KCNJ10: variants seen among roughly 807,000 people sequenced by gnomAD.
The protein encoded by KCNJ10 is ATP-sensitive inward rectifier potassium channel 10.
In KCNJ10, 9 loss-of-function variants were observed where a neutral mutation model predicts 22.2. The observed-to-expected ratio is 0.40, with a 90% confidence interval of 0.24 to 0.71. The LOEUF is 0.71. Among genes scored for constraint, KCNJ10 ranks in the 30% least tolerant of loss-of-function variants. The probability of loss-of-function intolerance (pLI) is 0.35; values close to 1 mark genes in which losing one functional copy is unlikely to be tolerated. For missense variants in KCNJ10, 337 were observed against 482.7 expected, an observed-to-expected ratio of 0.70 and a Z score of 2.83; for synonymous variants, 184 against 187.3, an observed-to-expected ratio of 0.98 and a Z score of 0.15.
At chr1:160,067,762 A>G (rs1649354807) in intron 1 of KCNJ10, 1 of 151,970 alleles carries the variant, frequency 6.6e-6, no homozygotes, top group African/African-American at 2.4e-5. Flanking sequence ...CTATCTTTCC[A>G]TCTTGTGTGC....
intron 1 of KCNJ10, among the ~76,000 whole-genome samples, chr1:160,043,316 A>AC (rs1553235209): frequency 3.9e-4 from 56 of 142,486 alleles, no homozygotes; most frequent in South Asian, 8.9e-4. Context: ...CACACACACA[A>AC]CCTTAATTTC....
At chr1:160,051,990 C>G (rs1027060155) in intron 1 of KCNJ10, among the ~76,000 whole-genome samples, 1 of 152,116 alleles carries the variant, frequency 6.6e-6, no homozygotes, top group Non-Finnish European at 1.5e-5. Context: ...TAATAGTATG[C>G]TATCCATCTA....
intron 1 of KCNJ10, among the ~76,000 whole-genome samples, chr1:160,052,641 CACTCAGAACTAAGAG>C (rs1648930473): frequency 6.6e-6 from 1 of 152,166 alleles, no homozygotes. Flanking sequence ...GTGTAAAAGC[CACTCAGAACTAAGAG>C]ACAGCACTGC....
At chr1:160,066,596 G>A (rs1162126841) in intron 1 of KCNJ10, among the ~76,000 whole-genome samples, 3 of 152,192 alleles carry the variant, frequency 2.0e-5, no homozygotes, top group African/African-American at 7.2e-5. Flanking sequence ...TTGTGAGGAT[G>A]GGACTTCCTT....
chr1:160,067,979 C>T (rs1009247630), intron 1 of KCNJ10: 13 of 152,178 alleles, frequency 8.5e-5, no homozygotes, highest in African/African-American at 3.1e-4. Flanking sequence ...CCCGGGTCCT[C>T]TGCCAGTCAC....
At chr1:160,051,298 T>G (rs1207498330) in intron 1 of KCNJ10, among the ~76,000 whole-genome samples, 4 of 152,106 alleles carry the variant, frequency 2.6e-5, no homozygotes, top group Non-Finnish European at 5.9e-5. Flanking sequence ...CTCTTGCAAA[T>G]GTTTGGTTCA....
At chr1:160,068,464 C>T (rs921361919) in intron 1 of KCNJ10, among the ~76,000 whole-genome samples, 16 of 152,246 alleles carry the variant, frequency 1.1e-4, no homozygotes, top group African/African-American at 3.6e-4. Flanking sequence ...ACACCCTCTC[C>T]CTCCCTTCCT....
chr1:160,052,190 G>A (rs1415099435), intron 1 of KCNJ10, among the ~76,000 whole-genome samples: 1 of 152,188 alleles, frequency 6.6e-6, no homozygotes, highest in Non-Finnish European at 1.5e-5. Flanking sequence ...AGAAAGGGAG[G>A]CAGATTCCTG....
At chr1:160,060,897 A>G (rs146548911) in intron 1 of KCNJ10, among the ~76,000 whole-genome samples, 1 of 152,168 alleles carries the variant, frequency 6.6e-6, no homozygotes, top group Non-Finnish European at 1.5e-5. Flanking sequence ...AACCCTAGCT[A>G]AGAAGGCTGT....
intron 1 of KCNJ10, among the ~76,000 whole-genome samples, chr1:160,049,061 T>G (rs933196444): frequency 6.6e-6 from 1 of 152,200 alleles, no homozygotes; most frequent in Middle Eastern, 3.2e-3. Flanking sequence ...ATTATAATCC[T>G]TGTTTTACGA....
At chr1:160,044,837 A>T (rs892314634) in intron 1 of KCNJ10, 14 of 151,906 alleles carry the variant, frequency 9.2e-5, no homozygotes, top group African/African-American at 3.4e-4. Flanking sequence ...AAACAGCAAG[A>T]CACCATATCA....
Position 160,056,687 on chromosome 1 carries a change from G to GT in KCNJ10, c.-1+13334dup, listed in dbSNP as rs1185240819. ...TGTGAGCTCTTTGAAGGCACAGACT[G>GT]TATTTTAGTCACCTTTGTAAGCTGT... On this transcript the variant is annotated intron_variant, in intron 1 of 1. Coordinates refer to ENST00000644903, the MANE Select transcript of KCNJ10 (RefSeq NM_002241.5). Among the ~76,000 whole-genome samples the GT allele has an allele frequency of 2.6e-5, 4 of 152,308 alleles. No individual in the cohort carries two copies. The South Asian group carries it at 6.2e-4, about 24-fold the overall frequency.
rs1358654756 is a variant in KCNJ10 at position 160,037,539 on chromosome 1, AC to A, written c.*3853del. On this transcript the variant is annotated 3_prime_UTR_variant, in exon 2 of 2. Transcript: ENST00000644903. The stretch of plus-strand genomic sequence containing the variant: ...GACAAAAACAAAACAAATCTTACAC[AC>A]CTTTTTTTTCCTAGATAAATTTGAC... 6.6e-6 allele frequency: 1 copy of A among 152,032 alleles called. No individual in the cohort carries two copies. The highest frequency in any genetic ancestry group is 1.9e-4 in the East Asian group (1 of 5,182). 9.4% of individuals were successfully genotyped at this position (152,032 alleles called of 1,614,324 possible).
chr1:160,042,712 G>A (rs143508204), intron 1 of KCNJ10, among the ~76,000 whole-genome samples, 180 bp from the exon 2 acceptor site: 94 of 152,256 alleles, frequency 6.2e-4, no homozygotes, highest in Middle Eastern at 6.8e-3. Flanking sequence ...CGAGGCGGGT[G>A]GATCGCCTGA....
At chr1:160,048,228 G>A (rs963604133) in intron 1 of KCNJ10, among the ~76,000 whole-genome samples, 5 of 19,824 alleles carry the variant, frequency 2.5e-4, no homozygotes, top group Non-Finnish European at 1.8e-4. Flanking sequence ...ACGGGCCAAG[G>A]CCTCACAGGA....
chr1:160,037,540 C>A lies in KCNJ10; in HGVS notation c.*3853G>T, dbSNP rs138599071. ...ACAAAAACAAAACAAATCTTACACACCTTTTTTTTCCTAGATAAATTTGAC... is the reference window on the plus strand; with the variant it reads ...ACAAAAACAAAACAAATCTTACACAACTTTTTTTTCCTAGATAAATTTGAC... On this transcript the variant is annotated 3_prime_UTR_variant, in exon 2 of 2. Coordinates refer to ENST00000644903, the MANE Select transcript of KCNJ10 (RefSeq NM_002241.5). 6.6e-6 allele frequency: 1 copy of A among 152,142 alleles called. No homozygotes were observed. Among genetic ancestry groups the A allele is most frequent in the Non-Finnish European group, 1.5e-5 (1 of 68,024 alleles). 9.4% of individuals were successfully genotyped at this position (152,142 alleles called of 1,614,324 possible).
In KCNJ10 at chr1:160,041,721, C is replaced by G. The variant is rs3795339; in HGVS notation, c.812G>C (p.Arg271Pro). 1 of 1,613,780 alleles carries G rather than the reference C, an allele frequency of 6.2e-7. No homozygotes were observed. The highest frequency in any genetic ancestry group is 1.3e-5 in the African/African-American group (1 of 74,840). ...ETSPLKDLPL[R>P]SGEGDFELVL... ...CAGCTCAAAGTCACCCTCACCACTG[C>G]GAAGAGGGAGATCTTTCAAGGGACT... Residue 271 changes from arginine to proline, a missense_variant, in exon 2 of 2, where the codon CGC becomes CCC. Arg to Pro is a moderately radical substitution (Grantham distance 103). Around this residue, in one of 3 missense-constraint regions of KCNJ10, gnomAD observed 165 missense variants for 281.5 expected, o/e 0.59. Transcript: ENST00000644903. This position sits in a 1 kb window ranked among gnomAD's most constrained non-coding sequence, Gnocchi z 4.4.
chr1:160,049,656 G>A (rs943010327), intron 1 of KCNJ10, among the ~76,000 whole-genome samples: 1 of 109,442 alleles, frequency 9.1e-6, no homozygotes, highest in African/African-American at 3.3e-5. Context: ...TTGAAAGAAG[G>A]ATCCAGCATT....
chr1:160,058,419 G>A (rs1254908599), intron 1 of KCNJ10, among the ~76,000 whole-genome samples: 1 of 152,188 alleles, frequency 6.6e-6, no homozygotes, highest in Non-Finnish European at 1.5e-5. Flanking sequence ...ATAAAATCCA[G>A]GGTCTTCTGT....
Sources: allele counts gnomAD v4.1 joint callset (sites outside exome capture counted in the v4.1 genomes callset), GRCh38; gene constraint gnomAD v4.1.1; regional missense constraint gnomAD v4.1.1; non-coding constraint Gnocchi (gnomAD v3.1); transcripts MANE v1.5; gene names NCBI Gene and HGNC (gene_info 2026-07-23, HGNC 2026-07-21).